EBF1: variants seen among roughly 807,000 people sequenced by gnomAD.
EBF1 encodes transcription factor COE1.
In EBF1, 10 loss-of-function variants were observed where a neutral mutation model predicts 68.4. The ratio of observed to expected loss-of-function variants is 0.15; its 90% CI spans 0.09 to 0.25. The LOEUF (loss-of-function observed/expected upper bound fraction) is 0.25. EBF1 is among the 10% of genes least tolerant of loss of function. The probability of loss-of-function intolerance (pLI) is 1.00; values close to 1 mark genes in which losing one functional copy is unlikely to be tolerated. For synonymous variants in EBF1, 298 were observed against 299.8 expected, an observed-to-expected ratio of 0.99 and a Z score of 0.06; for missense variants, 509 against 794.4, an observed-to-expected ratio of 0.64 and a Z score of 4.32.
chr5:158,914,173 T>A (rs572792575), intron 6 of EBF1, among the ~76,000 whole-genome samples: 4 of 152,092 alleles, frequency 2.6e-5, no homozygotes, highest in Non-Finnish European at 4.4e-5. Flanking sequence ...TACATGCATT[T>A]TTTTTCCTCC....
At chr5:158,868,612 A>G (rs1335001885) in intron 6 of EBF1, among the ~76,000 whole-genome samples, 1 of 152,272 alleles carries the variant, frequency 6.6e-6, no homozygotes, top group Non-Finnish European at 1.5e-5. Flanking sequence ...CTGATGCTCA[A>G]GAAAATGGCT....
At chr5:159,033,570 A>G (rs1202548701) in intron 6 of EBF1, among the ~76,000 whole-genome samples, 1 of 152,236 alleles carries the variant, frequency 6.6e-6, no homozygotes, top group Non-Finnish European at 1.5e-5. Context: ...GTATCTTGAC[A>G]GTGAGAGCTC....
At chr5:159,075,779 A>G (rs1186007968) in intron 5 of EBF1, among the ~76,000 whole-genome samples, 1 of 151,706 alleles carries the variant, frequency 6.6e-6, no homozygotes, top group Admixed American at 6.6e-5. Context: ...ATACCAGACC[A>G]CCTCCCAACC....
At chr5:159,091,497 T>A (rs1781635928) in intron 4 of EBF1, among the ~76,000 whole-genome samples, 1 of 152,224 alleles carries the variant, frequency 6.6e-6, no homozygotes, top group Non-Finnish European at 1.5e-5. Flanking sequence ...GACTATAAAC[T>A]TGCTGTGTCC....
At chr5:159,060,291 G>A (rs528523947) in intron 6 of EBF1, among the ~76,000 whole-genome samples, 1 of 152,194 alleles carries the variant, frequency 6.6e-6, no homozygotes, top group South Asian at 2.1e-4. Context: ...AAAGTATTTT[G>A]TTGTGTTGCT....
chr5:158,854,335 C>A (rs1475728301), intron 6 of EBF1, among the ~76,000 whole-genome samples: 1 of 152,204 alleles, frequency 6.6e-6, no homozygotes, highest in African/African-American at 2.4e-5. Context: ...GCTTTTGAAG[C>A]AATGGCATGT....
chr5:158,814,863 G>A (rs1237321855), intron 8 of EBF1, among the ~76,000 whole-genome samples: 1 of 152,112 alleles, frequency 6.6e-6, no homozygotes, highest in Non-Finnish European at 1.5e-5. Flanking sequence ...AATTCAACTA[G>A]CAGAATGTGT....
intron 7 of EBF1, among the ~76,000 whole-genome samples, chr5:158,834,374 T>TCC (rs575160048): frequency 4.6e-5 from 7 of 152,112 alleles, no homozygotes; most frequent in African/African-American, 1.7e-4. Context: ...CCCAGCTTGC[T>TCC]CCCCTTCTCT....
intron 11 of EBF1, among the ~76,000 whole-genome samples, chr5:158,716,119 T>C (rs1760641732): frequency 6.6e-6 from 1 of 152,222 alleles, no homozygotes; most frequent in Non-Finnish European, 1.5e-5. Flanking sequence ...TTTTAATTAA[T>C]TTCACAGAAG....
intron 6 of EBF1, among the ~76,000 whole-genome samples, chr5:159,013,074 G>A (rs1346782906): frequency 1.3e-5 from 2 of 152,156 alleles, no homozygotes; most frequent in African/African-American, 2.4e-5. Flanking sequence ...CCTGGTCTGT[G>A]GTACTTTGTT....
At chr5:158,707,631 A>C (rs1758150065) in intron 15 of EBF1, 1 of 298,730 alleles carries the variant, frequency 3.3e-6, no homozygotes, top group Non-Finnish European at 6.4e-6. Context: ...TCCACAAAAG[A>C]CTGATCTGAT....
At chr5:158,916,541 T>C (rs1222306068) in intron 6 of EBF1, among the ~76,000 whole-genome samples, 4 of 152,164 alleles carry the variant, frequency 2.6e-5, no homozygotes, top group South Asian at 2.1e-4. Context: ...TGGAAGTATA[T>C]ATTAGATCCA....
At chr5:158,768,716 T>C (rs1487545869) in intron 10 of EBF1, among the ~76,000 whole-genome samples, 1 of 152,010 alleles carries the variant, frequency 6.6e-6, no homozygotes, top group Non-Finnish European at 1.5e-5. Flanking sequence ...AAACGAATAA[T>C]CCTCCATCAA....
At chr5:158,965,662 G>GTC (rs1201271459) in intron 6 of EBF1, among the ~76,000 whole-genome samples, 1 of 152,164 alleles carries the variant, frequency 6.6e-6, no homozygotes, top group Non-Finnish European at 1.5e-5. Context: ...CACACCACCT[G>GTC]TCTTAAAGTT....
chr5:158,730,814 A>G (rs1763943827), intron 11 of EBF1, among the ~76,000 whole-genome samples: 1 of 152,210 alleles, frequency 6.6e-6, no homozygotes, highest in African/African-American at 2.4e-5. Flanking sequence ...CTCTTCTAAA[A>G]TAGGAATGGT....
At chr5:158,903,162 C>A (rs927436991) in intron 6 of EBF1, among the ~76,000 whole-genome samples, 2 of 152,148 alleles carry the variant, frequency 1.3e-5, no homozygotes, top group African/African-American at 4.8e-5. Flanking sequence ...AGCGAAGAAG[C>A]CTGTCGCATT....
intron 8 of EBF1, among the ~76,000 whole-genome samples, chr5:158,808,012 AACTTTCATTATTCAGAG>A (rs1477259034): frequency 2.0e-5 from 3 of 152,162 alleles, no homozygotes; most frequent in African/African-American, 7.2e-5. Context: ...TATTTCAGTG[AACTTTCATTATTCAGAG>A]CCTTATCATT....
intron 6 of EBF1, among the ~76,000 whole-genome samples, chr5:158,869,205 T>C (rs1418922907): frequency 2.0e-5 from 3 of 152,172 alleles, no homozygotes; most frequent in Non-Finnish European, 2.9e-5. Flanking sequence ...CTGGTTGCTC[T>C]ATAAAGATAT....
At chr5:158,815,383 A>C (rs1228399570) in intron 8 of EBF1, among the ~76,000 whole-genome samples, 1 of 152,152 alleles carries the variant, frequency 6.6e-6, no homozygotes. Context: ...TCTAAACCTC[A>C]GTTTTCTCAT....
Sources: allele counts gnomAD v4.1 joint callset (sites outside exome capture counted in the v4.1 genomes callset), GRCh38; gene constraint gnomAD v4.1.1; transcripts MANE v1.5; gene names NCBI Gene and HGNC (gene_info 2026-07-23, HGNC 2026-07-21).